GNG7: variants seen among roughly 807,000 people sequenced by gnomAD.
GNG7 encodes the protein G protein subunit gamma 7.
A neutral mutation model predicts 4.0 loss-of-function variants in GNG7; 1 was observed. That is an observed-to-expected ratio of 0.25 (90% CI 0.09 to 1.18). The LOEUF is 1.18. GNG7 is among the 50% of genes most tolerant of loss of function. GNG7 has a pLI of 0.50. For missense variants in GNG7, 86 were observed against 91.9 expected (o/e 0.94, Z 0.26); for synonymous variants, 34 against 36.9 (o/e 0.92, Z 0.29).
intron 2 of GNG7, among the ~76,000 whole-genome samples, chr19:2,566,530 G>A (rs1979914216): frequency 6.6e-6 from 1 of 152,330 alleles, no homozygotes; most frequent in East Asian, 1.9e-4. Context: ...CTGGCTCCGG[G>A]GGAAGGGTCC....
chr19:2,530,376 G>A (rs1978543740), intron 3 of GNG7, among the ~76,000 whole-genome samples: 1 of 150,466 alleles, frequency 6.6e-6, no homozygotes, highest in South Asian at 2.1e-4. Flanking sequence ...TTGTGCCACT[G>A]CACTCCAGCC....
chr19:2,687,239 T>G (rs1983894612), intron 1 of GNG7, among the ~76,000 whole-genome samples: 1 of 152,092 alleles, frequency 6.6e-6, no homozygotes, highest in Admixed American at 6.5e-5. Flanking sequence ...TTTCTCTTTT[T>G]TGTAGAGATG....
intron 1 of GNG7, among the ~76,000 whole-genome samples, chr19:2,662,668 C>A (rs1177585599): frequency 6.6e-6 from 1 of 152,156 alleles, no homozygotes; most frequent in Non-Finnish European, 1.5e-5. Context: ...CCTTCAGGAA[C>A]CTCCATGTGC....
At chr19:2,548,940 T>C (rs533230292) in intron 3 of GNG7, among the ~76,000 whole-genome samples, 1 of 152,286 alleles carries the variant, frequency 6.6e-6, no homozygotes, top group East Asian at 1.9e-4. Flanking sequence ...GTGCATGTTG[T>C]TTGCATCCCG....
intron 1 of GNG7, among the ~76,000 whole-genome samples, chr19:2,682,491 C>T (rs1224960545): frequency 3.3e-5 from 5 of 150,820 alleles, no homozygotes; most frequent in South Asian, 2.1e-4. Context: ...AGCGAAACCC[C>T]GTCTCTACTA....
At position 2,664,320 on chromosome 19, in the gene GNG7, T is replaced by C. The variant is rs187154109; in HGVS notation, c.-134-18040A>G. 4.6e-5 allele frequency among the ~76,000 whole-genome samples: 7 copies of C among 152,296 alleles called. No homozygotes were observed. In the East Asian group the frequency reaches 1.4e-3, roughly 29 times the overall value. Reference sequence around the variant, plus strand: ...TCACCACAGCAACCATCTAAATATGTCACCAGCAAAGTGCTGATTGCAAAG... The same window carrying C: ...TCACCACAGCAACCATCTAAATATGCCACCAGCAAAGTGCTGATTGCAAAG... On this transcript the variant is annotated intron_variant, in intron 1 of 4. Coordinates refer to ENST00000382159, the MANE Select transcript of GNG7 (RefSeq NM_052847.3).
At position 2,634,999 on chromosome 19, in the gene GNG7, G is replaced by A. The variant is rs1275047644; in HGVS notation, c.-78+11225C>T. Among the ~76,000 whole-genome samples, 1 of 152,222 alleles carries A rather than the reference G, an allele frequency of 6.6e-6. No individual in the cohort carries two copies. Among genetic ancestry groups the A allele is most frequent in the African/African-American group, 2.4e-5 (1 of 41,452 alleles). On this transcript the variant is annotated intron_variant, in intron 2 of 4. Coordinates refer to ENST00000382159, the MANE Select transcript of GNG7 (RefSeq NM_052847.3). The surrounding 1 kb of genome is among the most constrained non-coding windows in gnomAD (Gnocchi z 5.3). Reference sequence around the variant, plus strand: ...CAGTGAGGCAAGAAGCAAAAAGGCTGAAGAAATGCTTATCCTGGAAGAGGG... The same window carrying A: ...CAGTGAGGCAAGAAGCAAAAAGGCTAAAGAAATGCTTATCCTGGAAGAGGG...
intron 1 of GNG7, chr19:2,701,170 T>G (rs1320393044): frequency 1.3e-5 from 2 of 152,064 alleles, no homozygotes; most frequent in Non-Finnish European, 2.9e-5. Context: ...CCCGTCTCCT[T>G]CAACTCACTG....
intron 2 of GNG7, among the ~76,000 whole-genome samples, chr19:2,568,536 C>T (rs914563006): frequency 5.3e-5 from 8 of 150,054 alleles, no homozygotes; most frequent in Admixed American, 1.3e-4. Context: ...TGCACATATA[C>T]ACACATACAC....
At chr19:2,608,643 C>T (rs575107965) in intron 2 of GNG7, among the ~76,000 whole-genome samples, 1 of 152,196 alleles carries the variant, frequency 6.6e-6, no homozygotes, top group Admixed American at 6.5e-5. Flanking sequence ...GGGTGCCTCC[C>T]GGGCAACCCC....
At chr19:2,638,398 TGGGAAGGGAAAGGGGGAGGGGAAGGGGA>T (rs1982374504) in intron 2 of GNG7, among the ~76,000 whole-genome samples, 1 of 89,260 alleles carries the variant, frequency 1.1e-5, no homozygotes, top group Non-Finnish European at 2.3e-5. Context: ...GAGAAGGGGA[TGGGAAGGGAAAGGGGGAGGGGAAGGGGA>T]AGGAGGGGAA....
chr19:2,515,239 CG>C, intron 4 of GNG7, 92 bp from the exon 5 acceptor site: 1 of 1,535,442 alleles, frequency 6.5e-7, no homozygotes, highest in African/African-American at 1.4e-5. Flanking sequence ...GAGCCACAGG[CG>C]GAAACAGCTC....
At chr19:2,551,560 TTTATCTA>T (rs1979320745) in intron 3 of GNG7, among the ~76,000 whole-genome samples, 1 of 147,172 alleles carries the variant, frequency 6.8e-6, no homozygotes. Context: ...TTAATATATA[TTTATCTA>T]TTATCTATAA....
rs557331087 is a variant in GNG7 at position 2,576,439 on chromosome 19, G to A, written c.-77-21251C>T. On this transcript the variant is annotated intron_variant, in intron 2 of 4. Coordinates refer to ENST00000382159, the MANE Select transcript of GNG7 (RefSeq NM_052847.3). ...CCCCAGGGAGGACAGGGCGGGCCGC[G>A]GCAGGCGGGGGACGGGCACTGCAGC... Among the ~76,000 whole-genome samples, 10 of 152,364 alleles carry A rather than the reference G, an allele frequency of 6.6e-5. 1 individual carries two copies. In the South Asian group the frequency reaches 1.4e-3, roughly 22 times the overall value.
At chr19:2,612,344 C>G (rs1981594231) in intron 2 of GNG7, among the ~76,000 whole-genome samples, 1 of 152,098 alleles carries the variant, frequency 6.6e-6, no homozygotes, top group African/African-American at 2.4e-5. Context: ...CACACGTCCC[C>G]AAACATCGCC....
At chr19:2,562,796 G>A (rs999390238) in intron 2 of GNG7, among the ~76,000 whole-genome samples, 1 of 152,160 alleles carries the variant, frequency 6.6e-6, no homozygotes, top group African/African-American at 2.4e-5. Flanking sequence ...CCAGAAGGCT[G>A]CACACATTGA....
chr19:2,702,121 G>A (rs1484836125), intron 1 of GNG7, among the ~76,000 whole-genome samples: 6 of 131,242 alleles, frequency 4.6e-5, no homozygotes, highest in Admixed American at 7.8e-5. Flanking sequence ...AGCTAACCTC[G>A]ACCTGCAACT....
Position 2,561,549 on chromosome 19 carries a change from C to T in GNG7, c.-77-6361G>A, listed in dbSNP as rs567600851. On this transcript the variant is annotated intron_variant, in intron 2 of 4. Coordinates refer to ENST00000382159, the MANE Select transcript of GNG7 (RefSeq NM_052847.3). ...CCAGCTCTTAGCACTCTTGGACACACAATCCCCACAAGAGCCTCTCTCAGA... is the reference window on the plus strand; with the variant it reads ...CCAGCTCTTAGCACTCTTGGACACATAATCCCCACAAGAGCCTCTCTCAGA... Among the ~76,000 whole-genome samples the T allele has an allele frequency of 8.0e-4, 122 of 152,154 alleles. 1 individual carries two copies. The highest frequency in any genetic ancestry group is 3.4e-3 in the Middle Eastern group (1 of 294).
chr19:2,567,149 A>C (rs1327712583), intron 2 of GNG7, among the ~76,000 whole-genome samples: 1 of 140,862 alleles, frequency 7.1e-6, no homozygotes, highest in Non-Finnish European at 1.6e-5. Flanking sequence ...AAAACAAAAA[A>C]AAAAACACAA....
Sources: gnomAD v4.1 joint callset for allele counts (sites outside exome capture counted in the v4.1 genomes callset) on GRCh38, gnomAD v4.1.1 for gene constraint, Gnocchi (gnomAD v3.1) non-coding constraint, MANE v1.5 for transcripts, NCBI Gene and HGNC (gene_info 2026-07-23, HGNC 2026-07-21) for gene names.